Variants in SLX4IP observed in about 807,000 individuals in gnomAD.
The protein encoded by SLX4IP is protein SLX4IP.
A neutral mutation model predicts 32.9 loss-of-function variants in SLX4IP; 34 were observed. That is an observed-to-expected ratio of 1.03 (90% CI 0.79 to 1.38). SLX4IP has a LOEUF of 1.38. Ranked by LOEUF, SLX4IP falls within the 40% of genes most tolerant of loss-of-function variation. SLX4IP has a pLI of 0.00. For missense variants in SLX4IP, 444 were observed against 479.0 expected (o/e 0.93, Z 0.68); for synonymous variants, 172 against 171.7 (o/e 1.00, Z -0.01).
At chr20:10,592,376 T>A (rs1003137886) in intron 4 of SLX4IP, among the ~76,000 whole-genome samples, 1 of 151,110 alleles carries the variant, frequency 6.6e-6, no homozygotes, top group Non-Finnish European at 1.5e-5. Flanking sequence ...ATAGAGGAGG[T>A]CACACTTGGA....
intron 1 of SLX4IP, among the ~76,000 whole-genome samples, chr20:10,449,491 A>G (rs2065225500): frequency 6.6e-6 from 1 of 152,178 alleles, no homozygotes; most frequent in Admixed American, 6.5e-5. Context: ...GCAATTCTAC[A>G]GGTGACAGAT....
At chr20:10,453,736 TA>T (rs35401768) in intron 1 of SLX4IP, among the ~76,000 whole-genome samples, 74,371 of 151,406 alleles carry the variant, frequency 0.49, 19,743 homozygotes, top group Non-Finnish European at 0.6. Flanking sequence ...CCAACGCACT[TA>T]AAAAAAATTT....
chr20:10,549,491 C>T (rs888213469), intron 2 of SLX4IP, among the ~76,000 whole-genome samples: 3 of 152,180 alleles, frequency 2.0e-5, no homozygotes, highest in Non-Finnish European at 4.4e-5. Flanking sequence ...ACTTGGCTGC[C>T]ATTGCTCACC....
chr20:10,534,533 C>T (rs2066020933), intron 2 of SLX4IP, among the ~76,000 whole-genome samples: 1 of 152,114 alleles, frequency 6.6e-6, no homozygotes, highest in African/African-American at 2.4e-5. Flanking sequence ...AAAGAAGGAG[C>T]CTCGAGTCAA....
intron 2 of SLX4IP, among the ~76,000 whole-genome samples, chr20:10,545,582 G>A (rs2066155140): frequency 6.6e-6 from 1 of 152,152 alleles, no homozygotes. Context: ...ACCTGTCATA[G>A]CTTTATCTGG....
chr20:10,474,387 A>G (rs574672693), intron 2 of SLX4IP, among the ~76,000 whole-genome samples: 1 of 152,362 alleles, frequency 6.6e-6, no homozygotes, highest in East Asian at 1.9e-4. Flanking sequence ...ACAGCTATGC[A>G]GATATATTCT....
chr20:10,457,275 T>G (rs1176841846), intron 1 of SLX4IP, among the ~76,000 whole-genome samples: 1 of 152,166 alleles, frequency 6.6e-6, no homozygotes, highest in East Asian at 1.9e-4. Context: ...AGCAGACGTT[T>G]CATGTAAAGA....
intron 4 of SLX4IP, among the ~76,000 whole-genome samples, chr20:10,584,445 C>T (rs2066621974): frequency 6.6e-6 from 1 of 152,202 alleles, no homozygotes. Context: ...CTTCTAAGAA[C>T]TCTGCAAAGC....
chr20:10,615,315 T>A (rs2067013530), intron 6 of SLX4IP, among the ~76,000 whole-genome samples: 1 of 152,228 alleles, frequency 6.6e-6, no homozygotes. Flanking sequence ...CAGTGTTCCA[T>A]ACAGTTGTCA....
chr20:10,522,752 C>G (rs991899695), intron 2 of SLX4IP, among the ~76,000 whole-genome samples: 1 of 152,198 alleles, frequency 6.6e-6, no homozygotes, highest in African/African-American at 2.4e-5. Context: ...TTCTTCCCCG[C>G]CATTGAATCT....
chr20:10,604,857 TAA>T (rs1339005077), intron 6 of SLX4IP, among the ~76,000 whole-genome samples: 1 of 152,254 alleles, frequency 6.6e-6, no homozygotes, highest in Non-Finnish European at 1.5e-5. Context: ...ATAAGAAATC[TAA>T]AAACTCTTGT....
intron 2 of SLX4IP, among the ~76,000 whole-genome samples, chr20:10,488,333 T>C (rs1699212958): frequency 6.6e-6 from 1 of 152,018 alleles, no homozygotes; most frequent in Non-Finnish European, 1.5e-5. Flanking sequence ...ACAAGGATAA[T>C]GCCATCAACA....
chr20:10,613,569 T>C, intron 6 of SLX4IP: 1 of 1,612,750 alleles, frequency 6.2e-7, no homozygotes, highest in Non-Finnish European at 8.5e-7. Flanking sequence ...AATGGCTGCC[T>C]TCAGGCTATC....
chr20:10,544,686 C>CT (rs1465623737), intron 2 of SLX4IP, among the ~76,000 whole-genome samples: 1 of 151,294 alleles, frequency 6.6e-6, no homozygotes, highest in South Asian at 2.1e-4. Flanking sequence ...CATGCTCAGC[C>CT]TTTTTTTTTC....
chr20:10,529,241 C>T (rs573346982), intron 2 of SLX4IP, among the ~76,000 whole-genome samples: 11 of 152,202 alleles, frequency 7.2e-5, no homozygotes, highest in South Asian at 6.2e-4. Context: ...TGTAATCTTA[C>T]GTTCATTAGC....
chr20:10,611,927 T>C (rs976275627), intron 6 of SLX4IP, among the ~76,000 whole-genome samples: 2 of 152,198 alleles, frequency 1.3e-5, no homozygotes, highest in Non-Finnish European at 2.9e-5. Context: ...ACTGTGGCCA[T>C]TGGGCAAAGT....
chr20:10,614,455 G>A (rs941105259), intron 6 of SLX4IP, among the ~76,000 whole-genome samples: 3 of 152,156 alleles, frequency 2.0e-5, no homozygotes, highest in African/African-American at 7.2e-5. Context: ...TATGGGGTGG[G>A]CCATGTGGTC....
At chr20:10,571,908 C>T (rs562247782) in intron 4 of SLX4IP, among the ~76,000 whole-genome samples, 1 of 152,108 alleles carries the variant, frequency 6.6e-6, no homozygotes, top group South Asian at 2.1e-4. Flanking sequence ...AAGTCAAAAC[C>T]ACAACTTACC....
At chr20:10,571,742 A>G (rs1249151231) in intron 4 of SLX4IP, among the ~76,000 whole-genome samples, 1 of 152,186 alleles carries the variant, frequency 6.6e-6, no homozygotes, top group Non-Finnish European at 1.5e-5. Context: ...TGGGAGAAAT[A>G]AATGAATTGT....
Sources: allele counts gnomAD v4.1 joint callset (sites outside exome capture counted in the v4.1 genomes callset), GRCh38; gene constraint gnomAD v4.1.1; transcripts MANE v1.5; gene names NCBI Gene and HGNC (gene_info 2026-07-23, HGNC 2026-07-21).